Variants in ATXN7L1 observed in about 807,000 individuals in gnomAD.
ATXN7L1 encodes ataxin 7 like 1.
Under a neutral mutation model 70.8 loss-of-function variants are expected in ATXN7L1, and 15 were observed. The observed-to-expected ratio is 0.21, with a 90% CI of 0.14 to 0.33. The LOEUF is 0.33. Ranked by LOEUF, ATXN7L1 falls within the 10% of genes least tolerant of loss-of-function variation. The pLI is 1.00. For missense variants in ATXN7L1, 975 were observed against 1,097.1 expected (o/e 0.89, Z 1.57); for synonymous variants, 440 against 445.1 (o/e 0.99, Z 0.14).
At chr7:105,637,493 C>G (rs1797563203) in intron 7 of ATXN7L1, among the ~76,000 whole-genome samples, 1 of 152,112 alleles carries the variant, frequency 6.6e-6, no homozygotes, top group Admixed American at 6.5e-5. Context: ...CTTTTAAACT[C>G]TAAATTCCTG....
intron 2 of ATXN7L1, among the ~76,000 whole-genome samples, chr7:105,862,079 G>A (rs755869020): frequency 6.6e-6 from 1 of 152,190 alleles, no homozygotes; most frequent in Non-Finnish European, 1.5e-5. Flanking sequence ...CCTGGAGTCT[G>A]GGGACTTGGC....
At chr7:105,756,790 T>G (rs1329228925) in intron 3 of ATXN7L1, among the ~76,000 whole-genome samples, 2 of 152,186 alleles carry the variant, frequency 1.3e-5, no homozygotes, top group Non-Finnish European at 2.9e-5. Context: ...AATAAAGAAC[T>G]CATTCACTTA....
chr7:105,634,954 C>T (rs1344765247), intron 7 of ATXN7L1, among the ~76,000 whole-genome samples: 1 of 152,000 alleles, frequency 6.6e-6, no homozygotes, highest in East Asian at 1.9e-4. Context: ...TGCAGTGTGG[C>T]AATATCACTA....
rs929078556 is a variant in ATXN7L1 at position 105,667,719 on chromosome 7, A to C, written c.356-2431T>G. Among the ~76,000 whole-genome samples the C allele has an allele frequency of 5.3e-5, 8 of 151,836 alleles. 2 individuals are homozygous for C. Among genetic ancestry groups the C allele is most frequent in the Non-Finnish European group, 1.2e-4 (8 of 67,912 alleles). ...GTCTCAAAAAAAAAAAAAAAAAAAA[A>C]AAAGTCAACTAGTATGATCTTTCTG... On this transcript the variant is annotated intron_variant, in intron 3 of 11. Coordinates refer to ENST00000419735, the MANE Select transcript of ATXN7L1 (RefSeq NM_020725.2).
At chr7:105,709,193 G>A (rs181613570) in intron 3 of ATXN7L1, among the ~76,000 whole-genome samples, 3 of 152,270 alleles carry the variant, frequency 2.0e-5, no homozygotes, top group Admixed American at 2.0e-4. Flanking sequence ...AATTAGATGG[G>A]CATGGTGGCG....
At chr7:105,840,931 C>A (rs1226583075) in intron 2 of ATXN7L1, among the ~76,000 whole-genome samples, 2 of 152,174 alleles carry the variant, frequency 1.3e-5, no homozygotes, top group Admixed American at 1.3e-4. Context: ...GGGACATTTT[C>A]CTGTGTCCAG....
chr7:105,632,258 C>CTTA (rs1477299602), intron 7 of ATXN7L1, among the ~76,000 whole-genome samples: 3 of 152,164 alleles, frequency 2.0e-5, no homozygotes, highest in Non-Finnish European at 2.9e-5. Flanking sequence ...AACTAAAAAA[C>CTTA]TTATCTTCAA....
chr7:105,778,523 A>AC (rs201061160), intron 3 of ATXN7L1, among the ~76,000 whole-genome samples: 5,973 of 139,092 alleles, frequency 0.043, 479 homozygotes, highest in African/African-American at 0.16. Flanking sequence ...AAAAAAAAAA[A>AC]AAAAAAAAAA....
At chr7:105,664,575 G>GTGTGTGTGTGTATATA in intron 4 of ATXN7L1, among the ~76,000 whole-genome samples, 2 of 131,988 alleles carry the variant, frequency 1.5e-5, no homozygotes, top group African/African-American at 5.7e-5. Flanking sequence ...GTATGTGTGT[G>GTGTGTGTGTGTATATA]TATATATATA....
intron 2 of ATXN7L1, among the ~76,000 whole-genome samples, chr7:105,836,415 A>G (rs1483897285): frequency 6.6e-6 from 1 of 152,228 alleles, no homozygotes; most frequent in Non-Finnish European, 1.5e-5. Context: ...CGAATGTGTT[A>G]AAAAGCCCAG....
At chr7:105,674,783 A>G (rs934749480) in intron 3 of ATXN7L1, among the ~76,000 whole-genome samples, 1 of 152,108 alleles carries the variant, frequency 6.6e-6, no homozygotes, top group African/African-American at 2.4e-5. Flanking sequence ...TCTATTTGTC[A>G]TTTATACTAA....
At chr7:105,609,074 A>G (rs1389022095) in intron 11 of ATXN7L1, among the ~76,000 whole-genome samples, 1 of 152,180 alleles carries the variant, frequency 6.6e-6, no homozygotes, top group African/African-American at 2.4e-5. Context: ...TACCCTGAAT[A>G]CTGCTGCCAT....
intron 3 of ATXN7L1, among the ~76,000 whole-genome samples, chr7:105,740,084 T>C (rs888217895): frequency 6.6e-6 from 1 of 152,232 alleles, no homozygotes; most frequent in African/African-American, 2.4e-5. Flanking sequence ...TATTTTCAAA[T>C]GTACCACTCT....
chr7:105,745,699 C>G (rs568508147), intron 3 of ATXN7L1, among the ~76,000 whole-genome samples: 2 of 152,296 alleles, frequency 1.3e-5, no homozygotes, highest in East Asian at 3.9e-4. Context: ...GCCTTTGGGA[C>G]GATGCTGGGC....
chr7:105,721,368 C>T (rs1034320897), intron 3 of ATXN7L1, among the ~76,000 whole-genome samples: 3 of 152,154 alleles, frequency 2.0e-5, no homozygotes, highest in African/African-American at 7.2e-5. Flanking sequence ...TGGGGGACAA[C>T]GGGGTGCGAA....
chr7:105,724,545 G>T (rs371060704), intron 3 of ATXN7L1, among the ~76,000 whole-genome samples: 11 of 127,144 alleles, frequency 8.7e-5, no homozygotes, highest in African/African-American at 3.3e-4. Context: ...TTGCACTCCA[G>T]CCTGGACGAC....
chr7:105,655,653 T>G (rs983932205), intron 4 of ATXN7L1, among the ~76,000 whole-genome samples: 1 of 152,200 alleles, frequency 6.6e-6, no homozygotes, highest in African/African-American at 2.4e-5. Flanking sequence ...TTGCCCCCAG[T>G]TCACGCCAGC....
chr7:105,733,956 C>CCATCCATCATCCAT (rs1797102943), intron 3 of ATXN7L1, among the ~76,000 whole-genome samples: 1 of 148,940 alleles, frequency 6.7e-6, no homozygotes, highest in African/African-American at 2.6e-5. Flanking sequence ...ATCCATCCAT[C>CCATCCATCATCCAT]CATCCATCCA....
At chr7:105,617,942 G>A (rs1794160217) in intron 9 of ATXN7L1, 4 of 456,616 alleles carry the variant, frequency 8.8e-6, no homozygotes, top group South Asian at 6.2e-5. Context: ...GCCGGGGCCT[G>A]GGGTTTGGGC....
Sources: gnomAD v4.1 joint callset for allele counts (sites outside exome capture counted in the v4.1 genomes callset) on GRCh38, gnomAD v4.1.1 for gene constraint, MANE v1.5 for transcripts, NCBI Gene and HGNC (gene_info 2026-07-23, HGNC 2026-07-21) for gene names.